Variants in TPCN1 observed in about 807,000 individuals in gnomAD.
TPCN1 encodes the protein two pore channel protein 1.
TPCN1 carries 52 observed loss-of-function variants against 108.8 expected under a neutral mutation model. That is an observed-to-expected ratio of 0.48 (90% CI 0.38 to 0.60). The LOEUF (loss-of-function observed/expected upper bound fraction) is 0.60. Among genes scored for constraint, TPCN1 ranks in the 20% least tolerant of loss-of-function variants. The pLI is 0.00. For synonymous variants in TPCN1, 446 were observed against 433.7 expected, an observed-to-expected ratio of 1.03 and a Z score of -0.35; for missense variants, 806 against 1,072.8, an observed-to-expected ratio of 0.75 and a Z score of 3.47.
Position 113,266,577 on chromosome 12 carries a change from A to G in TPCN1, c.414+221A>G, listed in dbSNP as rs1279473804. 3.3e-5 allele frequency among the ~76,000 whole-genome samples: 5 copies of G among 152,186 alleles called. No individual in the cohort carries two copies. Among genetic ancestry groups the G allele is most frequent in the African/African-American group, 1.2e-4 (5 of 41,448 alleles). On this transcript the variant is annotated intron_variant, in intron 4 of 27. Coordinates refer to ENST00000335509, the MANE Select transcript of TPCN1 (RefSeq NM_017901.6). This position sits in a 1 kb window ranked among gnomAD's most constrained non-coding sequence, Gnocchi z 4.2. ...TCTCTCTGGGATTCTGCCCACCAGT[A>G]AATTCCAGGGAGGGGAAGTGTCCCA...
chr12:113,290,860 C>A, intron 22 of TPCN1, 92 bp from the exon 23 acceptor site: 3 of 1,233,066 alleles, frequency 2.4e-6, no homozygotes, highest in Non-Finnish European at 3.6e-6. Flanking sequence ...CATCTTAGCA[C>A]ATGGCACCCA....
At chr12:113,233,006 G>C (rs759774126) in intron 2 of TPCN1, among the ~76,000 whole-genome samples, 1 of 152,182 alleles carries the variant, frequency 6.6e-6, no homozygotes, top group Non-Finnish European at 1.5e-5. Flanking sequence ...CTTTTTCAGG[G>C]CCTCACCAAG....
intron 2 of TPCN1, among the ~76,000 whole-genome samples, chr12:113,258,148 C>T (rs532754355): frequency 6.6e-6 from 1 of 152,220 alleles, no homozygotes; most frequent in East Asian, 1.9e-4. Flanking sequence ...TATTGTGGCA[C>T]AACTTAGCGA....
intron 2 of TPCN1, among the ~76,000 whole-genome samples, chr12:113,255,161 A>G (rs527448387): frequency 1.3e-5 from 2 of 152,246 alleles, no homozygotes; most frequent in African/African-American, 2.4e-5. Flanking sequence ...CATATTTACA[A>G]AAGAGGCCAC....
At chr12:113,244,465 A>G (rs572649337) in intron 2 of TPCN1, 2 of 985,434 alleles carry the variant, frequency 2.0e-6, no homozygotes, top group East Asian at 1.1e-4. Flanking sequence ...AATTATCAGA[A>G]AGAGAAGGCC....
intron 10 of TPCN1, among the ~76,000 whole-genome samples, chr12:113,275,264 G>A (rs939856354): frequency 7.2e-5 from 11 of 152,288 alleles, no homozygotes; most frequent in African/African-American, 2.2e-4. Flanking sequence ...TTGAGATGGA[G>A]TCTCGCTCTG....
In TPCN1 at chr12:113,269,662, G is replaced by C; in HGVS notation, c.660-95G>C. On this transcript the variant is annotated intron_variant, in intron 6 of 27. Transcript: ENST00000335509. The surrounding 1 kb of genome is among the most constrained non-coding windows in gnomAD (Gnocchi z 5.0). ...AGAGTGCGTCAGGGTTTAGTATTTCGAGTCAGAAGCACTAGGCCTCCATCT... is the reference window on the plus strand; with the variant it reads ...AGAGTGCGTCAGGGTTTAGTATTTCCAGTCAGAAGCACTAGGCCTCCATCT... 2 of 1,051,786 alleles carry C rather than the reference G, an allele frequency of 1.9e-6. No individual in the cohort carries two copies. The highest frequency in any genetic ancestry group is 2.9e-6 in the Non-Finnish European group (2 of 701,416). 65.2% of individuals were successfully genotyped at this position (1,051,786 alleles called of 1,614,324 possible). A position where few individuals can be genotyped will look rare whatever the true frequency, so the allele number is the denominator to read the frequency against.
chr12:113,225,306 A>G (rs765985811), intron 1 of TPCN1: 3 of 445,916 alleles, frequency 6.7e-6, no homozygotes, highest in South Asian at 4.7e-5. Flanking sequence ...CAGTTCTCCC[A>G]CCTTGACCTC....
At chr12:113,276,773 T>C (rs1955686002) in intron 10 of TPCN1, 146 bp from the exon 11 acceptor site, 1 of 651,678 alleles carries the variant, frequency 1.5e-6, no homozygotes, top group South Asian at 1.8e-5. Flanking sequence ...TCCTACCCCA[T>C]GAGGTGCAGG....
intron 15 of TPCN1, among the ~76,000 whole-genome samples, chr12:113,282,087 ATT>A (rs1247829773): frequency 2.2e-4 from 20 of 92,056 alleles, no homozygotes; most frequent in Admixed American, 2.3e-4. Flanking sequence ...CACCCGGCTA[ATT>A]TTTTTTTTTT....
chr12:113,221,837 T>A (rs1953239361), intron 1 of TPCN1, among the ~76,000 whole-genome samples: 1 of 152,098 alleles, frequency 6.6e-6, no homozygotes, highest in Admixed American at 6.5e-5. Context: ...CCCGACTTCT[T>A]AGGGCGACCC....
intron 2 of TPCN1, among the ~76,000 whole-genome samples, chr12:113,246,387 G>A (rs936623862): frequency 1.3e-5 from 2 of 152,198 alleles, no homozygotes; most frequent in South Asian, 2.1e-4. Flanking sequence ...GTTTCCCTTC[G>A]TGGAACTTTC....
chr12:113,244,610 C>T (rs1023784649), intron 2 of TPCN1: 3 of 985,312 alleles, frequency 3.0e-6, no homozygotes, highest in Middle Eastern at 1.0e-3. Flanking sequence ...ATCAGTGTCA[C>T]TCTGGTTTAT....
intron 10 of TPCN1, among the ~76,000 whole-genome samples, chr12:113,276,028 G>A (rs1344476060): frequency 2.0e-5 from 3 of 152,232 alleles, no homozygotes; most frequent in Admixed American, 6.5e-5. Flanking sequence ...CCCATGGCCT[G>A]TGTTTGTAAA....
chr12:113,292,647 A>T, intron 25 of TPCN1: 1 of 327,144 alleles, frequency 3.1e-6, no homozygotes, highest in East Asian at 6.0e-5. Context: ...TCATCCTCAG[A>T]TCTCTGTGCT....
At position 113,288,434 on chromosome 12, in the gene TPCN1, A is replaced by C; in HGVS notation, c.1706+200A>C. 6.7e-7 allele frequency: 1 copy of C among 1,486,066 alleles called. No homozygotes were observed. 92.1% of individuals were successfully genotyped at this position (1,486,066 alleles called of 1,614,324 possible). A position where few individuals can be genotyped will look rare whatever the true frequency, so the allele number is the denominator to read the frequency against. ...ATTTTTCTCCACTGACCTGTCTGAC[A>C]TATTTAGTAGGGAGGGCAGGGAGCT... is the stretch of plus-strand genomic sequence containing the variant. On this transcript the variant is annotated intron_variant, in intron 20 of 27. Coordinates refer to ENST00000335509, the MANE Select transcript of TPCN1 (RefSeq NM_017901.6). The surrounding 1 kb of genome is among the most constrained non-coding windows in gnomAD (Gnocchi z 4.8).
intron 2 of TPCN1, among the ~76,000 whole-genome samples, chr12:113,252,207 C>T (rs1954664959): frequency 6.6e-6 from 1 of 152,062 alleles, no homozygotes; most frequent in South Asian, 2.1e-4. Context: ...ACCAGGACAC[C>T]TAAAGATTAG....
chr12:113,293,126 G>A, intron 26 of TPCN1, 53 bp downstream of exon 26: 1 of 1,601,414 alleles, frequency 6.2e-7, no homozygotes, highest in Non-Finnish European at 8.5e-7. Flanking sequence ...CAGTGTGGGT[G>A]GCATAATCCC....
intron 2 of TPCN1, among the ~76,000 whole-genome samples, chr12:113,248,830 G>A (rs1954510642): frequency 1.3e-5 from 2 of 152,068 alleles, no homozygotes; most frequent in African/African-American, 2.4e-5. Context: ...ACACACACAC[G>A]CACACACACG....
Sources: gnomAD v4.1 joint callset for allele counts (sites outside exome capture counted in the v4.1 genomes callset) on GRCh38, gnomAD v4.1.1 for gene constraint, Gnocchi (gnomAD v3.1) non-coding constraint, MANE v1.5 for transcripts, NCBI Gene and HGNC (gene_info 2026-07-23, HGNC 2026-07-21) for gene names.